The following SMARCAD1 variants were observed in gnomAD, a reference collection of about 807,000 sequenced individuals.
SMARCAD1 encodes the protein SNF2 related chromatin remodeling ATPase with DExD box 1.
In SMARCAD1, 25 loss-of-function variants were observed where a neutral mutation model predicts 127.1. The observed-to-expected ratio is 0.20, with a 90% CI of 0.14 to 0.27. SMARCAD1 has a LOEUF of 0.27. SMARCAD1 is among the 10% of genes least tolerant of loss of function. The pLI is 1.00. For synonymous variants in SMARCAD1, 400 were observed against 396.9 expected, an observed-to-expected ratio of 1.01 and a Z score of -0.09; for missense variants, 807 against 1,206.0, an observed-to-expected ratio of 0.67 and a Z score of 4.90.
At chr4:94,208,091 G>A (rs1187658108) in intron 1 of SMARCAD1, 21 bp downstream of exon 1, 1 of 531,736 alleles carries the variant, frequency 1.9e-6, no homozygotes, top group Admixed American at 2.2e-5. Flanking sequence ...GTTGCATGAG[G>A]GTCAGCTCGT....
chr4:94,283,421 T>C, intron 22 of SMARCAD1, 118 bp downstream of exon 22: 1 of 877,302 alleles, frequency 1.1e-6, no homozygotes, highest in East Asian at 2.6e-5. Flanking sequence ...AAAGCATGGC[T>C]ACTGATGTAT....
chr4:94,247,012 C>G (rs1443643844), intron 6 of SMARCAD1, among the ~76,000 whole-genome samples: 1 of 152,192 alleles, frequency 6.6e-6, no homozygotes, highest in African/African-American at 2.4e-5. Context: ...CTCTTAAATA[C>G]TTGCAAGACT....
intron 5 of SMARCAD1, among the ~76,000 whole-genome samples, chr4:94,237,621 T>G (rs753071278): frequency 4.6e-5 from 7 of 152,090 alleles, no homozygotes; most frequent in Non-Finnish European, 1.0e-4. Context: ...ATTCTCAACT[T>G]TTTTCCTGCT....
intron 1 of SMARCAD1, 67 bp from the exon 2 acceptor site, chr4:94,208,279 C>G: frequency 9.0e-7 from 1 of 1,110,550 alleles, no homozygotes; most frequent in Non-Finnish European, 1.4e-6. Flanking sequence ...TGGGAATAAA[C>G]TGCTGTGGCA....
intron 10 of SMARCAD1, among the ~76,000 whole-genome samples, chr4:94,267,714 T>C (rs1049604809): frequency 1.3e-5 from 2 of 152,218 alleles, no homozygotes; most frequent in Non-Finnish European, 1.5e-5. Flanking sequence ...CTTTTTTCCT[T>C]AGTGAGAGAT....
intron 3 of SMARCAD1, among the ~76,000 whole-genome samples, chr4:94,229,983 C>T (rs1442256307): frequency 6.6e-6 from 1 of 151,890 alleles, no homozygotes; most frequent in Non-Finnish European, 1.5e-5. Flanking sequence ...TTTAGAATAG[C>T]TACACCCATA....
chr4:94,252,110 A>G (rs1749371678), intron 8 of SMARCAD1, among the ~76,000 whole-genome samples: 1 of 152,220 alleles, frequency 6.6e-6, no homozygotes, highest in East Asian at 1.9e-4. Context: ...TCGGCCTCCC[A>G]AAGTGCTGGG....
At chr4:94,212,993 C>A in intron 2 of SMARCAD1, 1 of 1,010,950 alleles carries the variant, frequency 9.9e-7, no homozygotes, top group Non-Finnish European at 1.4e-6. Flanking sequence ...TTGTTATTTA[C>A]ACATTATTTC....
chr4:94,230,894 A>G (rs979077511), intron 3 of SMARCAD1, among the ~76,000 whole-genome samples: 1 of 152,158 alleles, frequency 6.6e-6, no homozygotes, highest in Non-Finnish European at 1.5e-5. Flanking sequence ...GAAAATCAGA[A>G]GTAATGTTGC....
chr4:94,235,020 T>A (rs1181843429), intron 4 of SMARCAD1, among the ~76,000 whole-genome samples: 3 of 152,166 alleles, frequency 2.0e-5, no homozygotes, highest in Non-Finnish European at 4.4e-5. Flanking sequence ...ATTTTTCAAA[T>A]AAAGCCATAA....
chr4:94,235,320 T>C (rs1746480568), intron 4 of SMARCAD1, among the ~76,000 whole-genome samples: 1 of 149,884 alleles, frequency 6.7e-6, no homozygotes, highest in South Asian at 2.1e-4. Context: ...GACTGGCTGC[T>C]TTCACCTAGT....
At chr4:94,259,208 T>C (rs1236501216) in intron 9 of SMARCAD1, among the ~76,000 whole-genome samples, 1 of 152,200 alleles carries the variant, frequency 6.6e-6, no homozygotes. Context: ...GTTGAGGTTA[T>C]TGAAGCAACA....
chr4:94,275,796 C>CTTTTATTTTATTTTTTTTT (rs1553920714), intron 14 of SMARCAD1, among the ~76,000 whole-genome samples: 3 of 85,402 alleles, frequency 3.5e-5, no homozygotes, highest in East Asian at 4.2e-4. Flanking sequence ...TTAACATTTT[C>CTTTTATTTTATTTTTTTTT]TTTTTTTTTT....
intron 2 of SMARCAD1, among the ~76,000 whole-genome samples, chr4:94,212,295 C>T (rs576995862): frequency 1.4e-4 from 22 of 151,990 alleles, no homozygotes; most frequent in African/African-American, 4.8e-4. Flanking sequence ...ATACCTCAGC[C>T]TCCCGAGGAG....
Position 94,250,778 on chromosome 4 carries a change from T to C in SMARCAD1, c.834T>C (p.His278=). Residue 278 remains histidine (H), a synonymous_variant, in exon 8 of 24, where the codon CAT becomes CAC. Transcript: ENST00000354268. ...KQELREVLKE[H]EWMYTEALES... ...AACTTAGAGAAGTACTCAAGGAACA[T>C]GAATGGATGTACACAGAAGCTTTAG... 1 of 1,610,420 alleles carries C rather than the reference T, an allele frequency of 6.2e-7. No homozygotes were observed. Among genetic ancestry groups the C allele is most frequent in the South Asian group, 1.1e-5 (1 of 89,964 alleles).
chr4:94,236,612 C>G (rs759466036), intron 4 of SMARCAD1, among the ~76,000 whole-genome samples: 1 of 151,964 alleles, frequency 6.6e-6, no homozygotes, highest in Non-Finnish European at 1.5e-5. Context: ...CACACAGGCA[C>G]GGAGTGGCCT....
chr4:94,269,419 T>C (rs1352072178), intron 10 of SMARCAD1, among the ~76,000 whole-genome samples: 2 of 152,178 alleles, frequency 1.3e-5, no homozygotes, highest in Non-Finnish European at 2.9e-5. Context: ...GAATAGGCTT[T>C]GGAGTGAGAT....
chr4:94,281,421 G>A, intron 20 of SMARCAD1, 51 bp from the exon 21 acceptor site: 4 of 1,233,162 alleles, frequency 3.2e-6, no homozygotes, highest in Non-Finnish European at 4.8e-6. Flanking sequence ...TCAAGGCTTT[G>A]AGTAGTAAAA....
intron 22 of SMARCAD1, 150 bp downstream of exon 22, chr4:94,283,453 A>G (rs559542154): frequency 5.6e-6 from 4 of 709,718 alleles, no homozygotes; most frequent in Non-Finnish European, 9.9e-6. Context: ...AGTGTTGAAC[A>G]TCAACTGCAC....
Sources: allele counts gnomAD v4.1 joint callset (sites outside exome capture counted in the v4.1 genomes callset), GRCh38; gene constraint gnomAD v4.1.1; transcripts MANE v1.5; gene names NCBI Gene and HGNC (gene_info 2026-07-23, HGNC 2026-07-21).